HPGD: variants seen among roughly 807,000 people sequenced by gnomAD.
HPGD encodes the protein 15-hydroxyprostaglandin dehydrogenase.
HPGD carries 29 observed loss-of-function variants against 30.0 expected under a neutral mutation model. The ratio of observed to expected loss-of-function variants is 0.97; its 90% CI spans 0.72 to 1.32. The LOEUF is 1.32. HPGD is among the 40% of genes most tolerant of loss of function. The probability of loss-of-function intolerance (pLI) is 0.00; values close to 1 mark genes in which losing one functional copy is unlikely to be tolerated. For synonymous variants in HPGD, 99 were observed against 112.4 expected (o/e 0.88, Z 0.75); for missense variants, 340 against 322.1 (o/e 1.06, Z -0.43).
At position 174,510,659 on chromosome 4, in the gene HPGD, G is replaced by T. The variant is rs45444997; in HGVS notation, c.325-1867C>A. Among the ~76,000 whole-genome samples the T allele has an allele frequency of 4.5e-3, 689 of 152,266 alleles. 6 individuals are homozygous for T. Among genetic ancestry groups the T allele is most frequent in the African/African-American group, 0.015 (641 of 41,544 alleles). On this transcript the variant is annotated intron_variant, in intron 3 of 6. Transcript: ENST00000296522. ...GATTATTTTTCTCATCCATTATCAG[G>T]TTAAGAACTGGGTAATTTTTCAAAT...
intron 4 of HPGD, among the ~76,000 whole-genome samples, chr4:174,497,692 C>T (rs926482729): frequency 6.8e-6 from 1 of 147,198 alleles, no homozygotes; most frequent in Non-Finnish European, 1.5e-5. Flanking sequence ...ATTCTCCTGC[C>T]TCAGCCTCCC....
Position 174,494,029 on chromosome 4 carries a change from C to T in HPGD, c.499-715G>A, listed in dbSNP as rs141856953. Among the ~76,000 whole-genome samples, 31 of 152,196 alleles carry T rather than the reference C, an allele frequency of 2.0e-4. No homozygotes were observed. The highest frequency in any genetic ancestry group is 3.6e-4 in the African/African-American group (15 of 41,548). Reference sequence around the variant, plus strand: ...GAGGTCAAGTAAGACTATACTCTGTCGTGCCATGTTTTTCTAATTTTGTGC... The same window carrying T: ...GAGGTCAAGTAAGACTATACTCTGTTGTGCCATGTTTTTCTAATTTTGTGC... On this transcript the variant is annotated intron_variant, in intron 5 of 6. Transcript: ENST00000296522. This position sits in a 1 kb window ranked among gnomAD's most constrained non-coding sequence, Gnocchi z 4.9.
At chr4:174,522,701 C>T (rs530232472), upstream of HPGD, 12 of 440,642 alleles carry the variant, frequency 2.7e-5, no homozygotes, top group African/African-American at 1.9e-4. Context: ...AAAGCCTCCC[C>T]TCAGCCTCTG....
intron 1 of HPGD, 94 bp from the exon 2 acceptor site, chr4:174,522,161 A>G (rs1736171642): frequency 3.8e-6 from 6 of 1,584,872 alleles, no homozygotes; most frequent in Non-Finnish European, 8.6e-7. Context: ...CCTGGACCTG[A>G]AATTTGGCAA....
intron 1 of HPGD, 88 bp downstream of exon 1, chr4:174,522,271 C>A (rs1480700309): frequency 2.1e-6 from 3 of 1,402,422 alleles, no homozygotes; most frequent in Non-Finnish European, 2.9e-6. Flanking sequence ...GGCGCGGCCT[C>A]CCTGTCTCCG....
chr4:174,500,878 C>A (rs1734867180), intron 4 of HPGD, among the ~76,000 whole-genome samples: 2 of 152,108 alleles, frequency 1.3e-5, no homozygotes, highest in African/African-American at 4.8e-5. Flanking sequence ...CCAGATGAAA[C>A]CTCAAATAAT....
intron 3 of HPGD, among the ~76,000 whole-genome samples, chr4:174,510,258 C>CCT (rs1213762915): frequency 2.7e-5 from 4 of 148,830 alleles, no homozygotes; most frequent in African/African-American, 9.7e-5. Flanking sequence ...TTCACTTAAG[C>CCT]CATGTGTCAA....
At chr4:174,513,454 A>G (rs1055690541) in intron 3 of HPGD, among the ~76,000 whole-genome samples, 3 of 149,912 alleles carry the variant, frequency 2.0e-5, no homozygotes, top group Admixed American at 6.6e-5. Context: ...TAAATATAAA[A>G]TGCATATTTT....
intron 3 of HPGD, among the ~76,000 whole-genome samples, chr4:174,509,345 G>A (rs1011630137): frequency 5.9e-5 from 9 of 152,194 alleles, no homozygotes; most frequent in African/African-American, 2.2e-4. Flanking sequence ...ATACGAGGAA[G>A]GTGATCTCCC....
chr4:174,522,176 G>A, intron 1 of HPGD, 109 bp from the exon 2 acceptor site: 1 of 1,548,698 alleles, frequency 6.5e-7, no homozygotes, highest in South Asian at 1.1e-5. Context: ...TGGCAATTAG[G>A]TTTGGGTTCC....
chr4:174,517,918 A>T, intron 3 of HPGD, 53 bp downstream of exon 3: 1 of 957,928 alleles, frequency 1.0e-6, no homozygotes. Context: ...TTTCTTTACA[A>T]ACATCATGTT....
In HPGD at chr4:174,522,340, G is replaced by A. The variant is rs758330968; in HGVS notation, c.93+19C>T. On this transcript the variant is annotated intron_variant, in intron 1 of 6. Transcript: ENST00000296522. ...AGTGTGTGGGCAGAGAAATTTCCGCGGCTGGGCGCCGGGCTTACCTTGGCG... is the reference window on the plus strand; with the variant it reads ...AGTGTGTGGGCAGAGAAATTTCCGCAGCTGGGCGCCGGGCTTACCTTGGCG... 3.5e-5 allele frequency: 55 copies of A among 1,550,168 alleles called. No homozygotes were observed. Among genetic ancestry groups the A allele is most frequent in the Non-Finnish European group, 4.7e-5 (54 of 1,145,366 alleles).
intron 4 of HPGD, among the ~76,000 whole-genome samples, chr4:174,499,918 T>C (rs552140036): frequency 6.6e-6 from 1 of 152,134 alleles, no homozygotes; most frequent in South Asian, 2.1e-4. Context: ...CTCCTGAGGA[T>C]AAAAATTAAT....
Position 174,492,765 on chromosome 4 carries a change from CAT to C in HPGD, c.662+384_662+385del, listed in dbSNP as rs1734400775. 6.6e-6 allele frequency among the ~76,000 whole-genome samples: 1 copy of C among 151,858 alleles called. No homozygotes were observed. The highest frequency in any genetic ancestry group is 6.6e-5 in the Admixed American group (1 of 15,230). ...ATAATTCACTGAGAAAGTATGTGTC[CAT>C]GTATGTGTGTGTATCAACTATTTCT... On this transcript the variant is annotated intron_variant, in intron 6 of 6. Coordinates refer to ENST00000296522, the MANE Select transcript of HPGD (RefSeq NM_000860.6). This position sits in a 1 kb window ranked among gnomAD's most constrained non-coding sequence, Gnocchi z 4.9.
At chr4:174,508,035 G>T in intron 4 of HPGD, 2 of 680,254 alleles carry the variant, frequency 2.9e-6, no homozygotes, top group Non-Finnish European at 5.4e-6. Context: ...GTTCTTAAAA[G>T]AGTAGCCATG....
intron 4 of HPGD, among the ~76,000 whole-genome samples, chr4:174,497,576 T>TTTTTTTTTTTTTC (rs1734681762): frequency 9.6e-6 from 1 of 104,460 alleles, no homozygotes; most frequent in African/African-American, 4.0e-5. Flanking sequence ...TTCTTTTTTT[T>TTTTTTTTTTTTTC]TTTTTTTTTT....
At chr4:174,504,963 T>C (rs1387881170) in intron 4 of HPGD, among the ~76,000 whole-genome samples, 2 of 152,206 alleles carry the variant, frequency 1.3e-5, no homozygotes, top group Non-Finnish European at 2.9e-5. Context: ...TTTTAATAGT[T>C]CAGGATGGAT....
At chr4:174,520,578 T>G (rs186386910) in intron 2 of HPGD, among the ~76,000 whole-genome samples, 2 of 152,326 alleles carry the variant, frequency 1.3e-5, no homozygotes, top group African/African-American at 4.8e-5. Flanking sequence ...GTATTTTTCC[T>G]CCTCCACAAT....
At chr4:174,493,375 G>A (rs1734437704) in intron 5 of HPGD, 61 bp from the exon 6 acceptor site, 2 of 1,486,800 alleles carry the variant, frequency 1.3e-6, no homozygotes, top group Non-Finnish European at 1.9e-6. Context: ...AGGACAAACT[G>A]ATCATTAAAG....
Sources: allele counts gnomAD v4.1 joint callset (sites outside exome capture counted in the v4.1 genomes callset), GRCh38; gene constraint gnomAD v4.1.1; non-coding constraint Gnocchi (gnomAD v3.1); transcripts MANE v1.5; gene names NCBI Gene and HGNC (gene_info 2026-07-23, HGNC 2026-07-21).